Variants in TESK2 observed in about 807,000 individuals in gnomAD.
The protein encoded by TESK2 is dual specificity testis-specific protein kinase 2.
A neutral mutation model predicts 57.1 loss-of-function variants in TESK2; 39 were observed. The ratio of observed to expected loss-of-function variants is 0.68; its 90% confidence interval spans 0.53 to 0.89. TESK2 has a LOEUF of 0.89. Among genes scored for constraint, TESK2 ranks in the 40% least tolerant of loss-of-function variants. The pLI is 0.00. For missense variants in TESK2, 646 were observed against 732.1 expected (o/e 0.88, Z 1.36); for synonymous variants, 249 against 267.9 (o/e 0.93, Z 0.69).
At chr1:45,437,263 G>T (rs1208177270) in intron 2 of TESK2, among the ~76,000 whole-genome samples, 1 of 151,914 alleles carries the variant, frequency 6.6e-6, no homozygotes, top group East Asian at 1.9e-4. Context: ...TTCTTGTAGG[G>T]TCTTTCACTT....
In TESK2 at chr1:45,356,976, C is replaced by T. The variant is rs111275151; in HGVS notation, c.394-1527G>A. Among the ~76,000 whole-genome samples, 96 of 152,026 alleles carry T rather than the reference C, an allele frequency of 6.3e-4. 1 individual carries two copies. Among genetic ancestry groups the T allele is most frequent in the African/African-American group, 2.2e-3 (92 of 41,464 alleles). Reference sequence around the variant, plus strand: ...TGGGAGGCCGAGGCGGGTGGATCACCTGACATCAGGAGTTCAAGACCAGCC... The same window carrying T: ...TGGGAGGCCGAGGCGGGTGGATCACTTGACATCAGGAGTTCAAGACCAGCC... On this transcript the variant is annotated intron_variant, in intron 4 of 10. Transcript: ENST00000372086.
At chr1:45,452,092 G>GT (rs558580920) in intron 2 of TESK2, among the ~76,000 whole-genome samples, 29 of 148,502 alleles carry the variant, frequency 2.0e-4, no homozygotes, top group East Asian at 3.9e-4. Flanking sequence ...ATCTAATCTG[G>GT]TTTTTTTTTG....
At chr1:45,428,521 TA>T (rs984160268) in intron 2 of TESK2, among the ~76,000 whole-genome samples, 2 of 152,084 alleles carry the variant, frequency 1.3e-5, no homozygotes, top group African/African-American at 4.8e-5. Flanking sequence ...TATTTTTTTT[TA>T]AACAGGGTCT....
At chr1:45,384,893 C>T (rs1397026872) in intron 4 of TESK2, among the ~76,000 whole-genome samples, 1 of 152,026 alleles carries the variant, frequency 6.6e-6, no homozygotes, top group Non-Finnish European at 1.5e-5. Flanking sequence ...TTTGGCTTTC[C>T]ATTTAAGAGG....
chr1:45,474,132 G>A (rs1004749415), intron 1 of TESK2, among the ~76,000 whole-genome samples: 1 of 152,092 alleles, frequency 6.6e-6, no homozygotes, highest in African/African-American at 2.4e-5. Context: ...TCAGGAGTTC[G>A]AGACCAGCCT....
At chr1:45,419,136 C>T (rs1299883068) in intron 3 of TESK2, among the ~76,000 whole-genome samples, 1 of 152,058 alleles carries the variant, frequency 6.6e-6, no homozygotes, top group Non-Finnish European at 1.5e-5. Context: ...TGCCACCACA[C>T]CCAGCTAATT....
intron 2 of TESK2, among the ~76,000 whole-genome samples, chr1:45,425,531 T>C (rs1357351345): frequency 2.6e-5 from 4 of 152,010 alleles, no homozygotes; most frequent in Admixed American, 6.6e-5. Flanking sequence ...GGTTCAAGCC[T>C]GTGGTCCCAG....
chr1:45,445,555 G>A (rs1651610675), intron 2 of TESK2, among the ~76,000 whole-genome samples: 1 of 151,326 alleles, frequency 6.6e-6, no homozygotes, highest in Non-Finnish European at 1.5e-5. Flanking sequence ...GGGAGGCTGA[G>A]GTGGGAGGAT....
At position 45,345,219 on chromosome 1, in the gene TESK2, G is replaced by A. The variant is rs1647122809; in HGVS notation, c.1337C>T (p.Pro446Leu). The A allele has an allele frequency of 6.2e-7, 1 of 1,614,178 alleles. No homozygotes were observed. ...CCACCGGCGAATAGGTGGGGCCAGG[G>A]GCTCCTGCCAGTCAGCCAGGGGCAT... ...GTMPLADWQEPLAPPIRRWRS... is the reference protein window; with the variant it reads ...GTMPLADWQELLAPPIRRWRS... The change falls in exon 11 of 11, where the codon CCC becomes CTC. Residue 446 changes from proline to leucine, a missense_variant. Coordinates refer to ENST00000372086, the MANE Select transcript of TESK2 (RefSeq NM_007170.3).
chr1:45,398,927 T>C (rs1011802914), intron 3 of TESK2: 3 of 418,126 alleles, frequency 7.2e-6, no homozygotes, highest in African/African-American at 4.5e-5. Flanking sequence ...GGCCCTCTTC[T>C]AGGTGAAAAT....
chr1:45,445,440 A>G (rs1201343589), intron 2 of TESK2, among the ~76,000 whole-genome samples: 1 of 152,018 alleles, frequency 6.6e-6, no homozygotes, highest in Non-Finnish European at 1.5e-5. Flanking sequence ...AATTACAAAA[A>G]CATCTACCCT....
At position 45,344,829 on chromosome 1, in the gene TESK2, A is replaced by G. The variant is rs886668918; in HGVS notation, c.*11T>C. ...GGTCCATCCCCAAGGTGAGGCAGGG[A>G]CTAAACCCCCTCACCCATCCTGCTT... On this transcript the variant is annotated 3_prime_UTR_variant, in exon 11 of 11. Transcript: ENST00000372086. 9 of 1,603,332 alleles carry G rather than the reference A, an allele frequency of 5.6e-6. No homozygotes were observed. Among genetic ancestry groups the G allele is most frequent in the African/African-American group, 1.3e-5 (1 of 74,692 alleles).
intron 4 of TESK2, among the ~76,000 whole-genome samples, chr1:45,358,897 G>A (rs181230495): frequency 6.6e-6 from 1 of 152,184 alleles, no homozygotes. Flanking sequence ...TGGAGACTTA[G>A]AGACCACAGC....
Position 45,415,408 on chromosome 1 carries a change from C to T in TESK2, c.344+6317G>A. ...TCCTTCTGTGGCTCAGGAGAGCACT[C>T]CTCCACCCCATTTGCTCGCAATATC... On this transcript the variant is annotated intron_variant, in intron 3 of 10. Transcript: ENST00000372086. 4.0e-6 allele frequency: 3 copies of T among 752,654 alleles called. No homozygotes were observed. In the Admixed American group the frequency reaches 6.3e-5, roughly 16 times the overall value. 46.6% of individuals were successfully genotyped at this position (752,654 alleles called of 1,614,324 possible). A position where few individuals can be genotyped will look rare whatever the true frequency, so the allele number is the denominator to read the frequency against.
chr1:45,360,087 C>T (rs1647615790), intron 4 of TESK2, among the ~76,000 whole-genome samples: 2 of 152,124 alleles, frequency 1.3e-5, no homozygotes, highest in African/African-American at 4.8e-5. Context: ...TGTTGATCTG[C>T]TTCATCCTGC....
chr1:45,365,461 C>A (rs1300891629), intron 4 of TESK2, among the ~76,000 whole-genome samples: 1 of 152,096 alleles, frequency 6.6e-6, no homozygotes, highest in Non-Finnish European at 1.5e-5. Flanking sequence ...GAATACCCTT[C>A]TTCATAGCTT....
chr1:45,408,197 TG>T (rs1649920185), intron 3 of TESK2, among the ~76,000 whole-genome samples: 1 of 152,202 alleles, frequency 6.6e-6, no homozygotes, highest in African/African-American at 2.4e-5. Flanking sequence ...GCAAATTTTT[TG>T]ACAATTTGCC....
chr1:45,392,617 C>T (rs919303344), intron 3 of TESK2, among the ~76,000 whole-genome samples: 2 of 152,168 alleles, frequency 1.3e-5, no homozygotes, highest in African/African-American at 4.8e-5. Context: ...AGGAGAATTG[C>T]TTGAACCCAG....
chr1:45,470,114 C>T (rs1036136044), intron 1 of TESK2, among the ~76,000 whole-genome samples: 2 of 152,120 alleles, frequency 1.3e-5, no homozygotes, highest in Non-Finnish European at 2.9e-5. Context: ...AAAAAGACTG[C>T]AAACATAATA....
Sources: gnomAD v4.1 joint callset for allele counts (sites outside exome capture counted in the v4.1 genomes callset) on GRCh38, gnomAD v4.1.1 for gene constraint, MANE v1.5 for transcripts, NCBI Gene and HGNC (gene_info 2026-07-23, HGNC 2026-07-21) for gene names.